Variants in MCUB observed in about 807,000 individuals in gnomAD.
MCUB encodes calcium uniporter regulatory subunit MCUb, mitochondrial.
In MCUB, 46 loss-of-function variants were observed where a neutral mutation model predicts 41.4. The observed-to-expected ratio is 1.11, with a 90% CI of 0.88 to 1.42. The LOEUF is 1.42. Ranked by LOEUF, MCUB falls within the 40% of genes most tolerant of loss-of-function variation. The pLI is 0.00. For missense variants in MCUB, 403 were observed against 404.9 expected (o/e 1.00, Z 0.04); for synonymous variants, 148 against 148.2 (o/e 1.00, Z 0.01).
intron 1 of MCUB, among the ~76,000 whole-genome samples, chr4:109,612,525 CA>C (rs1728034303): frequency 6.6e-6 from 1 of 152,046 alleles, no homozygotes; most frequent in Non-Finnish European, 1.5e-5. Context: ...CCCGGCCTCC[CA>C]AAGTGCTAGG....
At chr4:109,626,865 G>A (rs1386040716) in intron 1 of MCUB, among the ~76,000 whole-genome samples, 4 of 148,566 alleles carry the variant, frequency 2.7e-5, no homozygotes, top group African/African-American at 4.9e-5. Flanking sequence ...GATAGCGTTC[G>A]TACTTGCAAG....
intron 1 of MCUB, among the ~76,000 whole-genome samples, chr4:109,612,125 A>G (rs904038825): frequency 3.9e-5 from 6 of 152,184 alleles, no homozygotes; most frequent in Admixed American, 3.9e-4. Context: ...CGGAGGCTGG[A>G]AAGTCCAACA....
Position 109,688,573 on chromosome 4 carries a change from A to G in MCUB, c.*981A>G, listed in dbSNP as rs1729912037. On this transcript the variant is annotated 3_prime_UTR_variant, in exon 8 of 8. Coordinates refer to ENST00000394650, the MANE Select transcript of MCUB (RefSeq NM_017918.5). Reference sequence around the variant, plus strand: ...ACATTTAAATGACCGAGTAAAAAACATCTATCAATTACACAAATGAACAAG... The same window carrying G: ...ACATTTAAATGACCGAGTAAAAAACGTCTATCAATTACACAAATGAACAAG... 6.6e-6 allele frequency: 1 copy of G among 152,212 alleles called. No individual in the cohort carries two copies. The highest frequency in any genetic ancestry group is 6.5e-5 in the Admixed American group (1 of 15,288). The allele number at this position is 152,212 out of a possible 1,614,324, so 9.4% of individuals were successfully genotyped here.
chr4:109,610,873 AT>A (rs1406884360), intron 1 of MCUB, among the ~76,000 whole-genome samples: 1 of 152,160 alleles, frequency 6.6e-6, no homozygotes, highest in African/African-American at 2.4e-5. Flanking sequence ...AACATATATA[AT>A]GTACAGTAAA....
intron 4 of MCUB, among the ~76,000 whole-genome samples, chr4:109,669,121 TTC>T (rs539062106): frequency 6.6e-6 from 1 of 152,168 alleles, no homozygotes; most frequent in Non-Finnish European, 1.5e-5. Context: ...CCTTCTCTGA[TTC>T]TCTTTCTTTC....
At chr4:109,664,416 C>T in intron 4 of MCUB, 22 bp downstream of exon 4, 2 of 801,416 alleles carry the variant, frequency 2.5e-6, no homozygotes, top group South Asian at 1.6e-5. Flanking sequence ...AGCTATCCAA[C>T]TATTACTTTT....
intron 1 of MCUB, among the ~76,000 whole-genome samples, chr4:109,628,950 G>A (rs1051939454): frequency 6.6e-6 from 1 of 152,112 alleles, no homozygotes; most frequent in South Asian, 2.1e-4. Flanking sequence ...AGGAAGCCAC[G>A]GCCAAAGGTG....
intron 1 of MCUB, among the ~76,000 whole-genome samples, chr4:109,630,780 C>T (rs1728458412): frequency 6.6e-6 from 1 of 152,128 alleles, no homozygotes; most frequent in African/African-American, 2.4e-5. Flanking sequence ...GGAGTTTCTC[C>T]GTGTTGGTCA....
intron 1 of MCUB, among the ~76,000 whole-genome samples, chr4:109,650,659 C>G (rs1728941801): frequency 6.6e-6 from 1 of 152,148 alleles, no homozygotes; most frequent in South Asian, 2.1e-4. Context: ...AACTTAATGA[C>G]AAACAACCAT....
chr4:109,563,349 T>C (rs1726686802), intron 1 of MCUB, among the ~76,000 whole-genome samples: 2 of 152,226 alleles, frequency 1.3e-5, no homozygotes, highest in African/African-American at 4.8e-5. Flanking sequence ...AAACAAAGCA[T>C]ATGGATGTTT....
At chr4:109,681,241 A>C (rs1467924684) in intron 4 of MCUB, among the ~76,000 whole-genome samples, 1 of 152,164 alleles carries the variant, frequency 6.6e-6, no homozygotes, top group African/African-American at 2.4e-5. Flanking sequence ...AGAATAATAC[A>C]TTTTTAGAGT....
At position 109,570,379 on chromosome 4, in the gene MCUB, G is replaced by A. The variant is rs182821691; in HGVS notation, c.99+9943G>A. ...CTTGTCCTAGTGTTAAATGAATGAGGTATAAGGAGATAGCTGTCATTGTCT... is the reference window on the plus strand; with the variant it reads ...CTTGTCCTAGTGTTAAATGAATGAGATATAAGGAGATAGCTGTCATTGTCT... On this transcript the variant is annotated intron_variant, in intron 1 of 7. Coordinates refer to ENST00000394650, the MANE Select transcript of MCUB (RefSeq NM_017918.5). Among the ~76,000 whole-genome samples, 369 of 152,290 alleles carry A rather than the reference G, an allele frequency of 2.4e-3. 1 individual carries two copies. Among genetic ancestry groups the A allele is most frequent in the African/African-American group, 8.3e-3 (345 of 41,574 alleles).
chr4:109,660,416 T>G, intron 3 of MCUB, 51 bp downstream of exon 3: 1 of 1,038,128 alleles, frequency 9.6e-7, no homozygotes, highest in Non-Finnish European at 1.4e-6. Context: ...CTGTCTCTCC[T>G]GAACTTTTGT....
intron 1 of MCUB, among the ~76,000 whole-genome samples, chr4:109,577,561 C>T (rs1282862757): frequency 1.4e-5 from 2 of 147,692 alleles, no homozygotes; most frequent in Non-Finnish European, 3.0e-5. Flanking sequence ...ATTGCTAAAA[C>T]TTGATCGTTT....
intron 1 of MCUB, among the ~76,000 whole-genome samples, chr4:109,605,258 A>G (rs1727843686): frequency 6.6e-6 from 1 of 152,006 alleles, no homozygotes; most frequent in Non-Finnish European, 1.5e-5. Flanking sequence ...GGTAGGTTGT[A>G]TGTGTCCTTA....
intron 1 of MCUB, among the ~76,000 whole-genome samples, chr4:109,627,506 G>C (rs1353734580): frequency 6.6e-6 from 1 of 152,122 alleles, no homozygotes; most frequent in Non-Finnish European, 1.5e-5. Flanking sequence ...ACATTATCTT[G>C]TAGTTGTTTA....
intron 1 of MCUB, among the ~76,000 whole-genome samples, chr4:109,642,139 G>C (rs965296395): frequency 6.6e-6 from 1 of 152,190 alleles, no homozygotes. Context: ...AAGATCTTTA[G>C]TGGTGATAAG....
At chr4:109,654,983 C>G (rs1483590101) in intron 1 of MCUB, among the ~76,000 whole-genome samples, 1 of 152,118 alleles carries the variant, frequency 6.6e-6, no homozygotes, top group Non-Finnish European at 1.5e-5. Flanking sequence ...ACAAGACTGT[C>G]CCACTTAAGA....
intron 4 of MCUB, among the ~76,000 whole-genome samples, chr4:109,665,123 C>T (rs58857968): frequency 0.051 from 7,689 of 152,110 alleles, 676 homozygotes; most frequent in African/African-American, 0.18. Flanking sequence ...CACCCAAAGT[C>T]CATAGTTTAC....
Sources: gnomAD v4.1 joint callset for allele counts (sites outside exome capture counted in the v4.1 genomes callset) on GRCh38, gnomAD v4.1.1 for gene constraint, MANE v1.5 for transcripts, NCBI Gene and HGNC (gene_info 2026-07-23, HGNC 2026-07-21) for gene names.